The following FAM135B variants were observed in gnomAD, a reference collection of about 807,000 sequenced individuals.
The protein encoded by FAM135B is protein FAM135B.
In FAM135B, 43 loss-of-function variants were observed where a neutral mutation model predicts 127.7. The observed-to-expected ratio is 0.34, with a 90% CI of 0.26 to 0.43. FAM135B has a LOEUF of 0.43. Ranked by LOEUF, FAM135B falls within the 20% of genes least tolerant of loss-of-function variation. The probability of loss-of-function intolerance (pLI) is 1.00; values close to 1 mark genes in which losing one functional copy is unlikely to be tolerated. For missense variants in FAM135B, 1,558 were observed against 1,725.6 expected, an observed-to-expected ratio of 0.90 and a Z score of 1.72; for synonymous variants, 670 against 665.1, an observed-to-expected ratio of 1.01 and a Z score of -0.11.
At chr8:138,180,990 C>T (rs1814970358) in intron 9 of FAM135B, among the ~76,000 whole-genome samples, 1 of 151,942 alleles carries the variant, frequency 6.6e-6, no homozygotes, top group African/African-American at 2.4e-5. Context: ...CCTGTAATCC[C>T]AGAACTTTGG....
At chr8:138,462,117 GAAGAAA>G (rs1446323090) in intron 1 of FAM135B, among the ~76,000 whole-genome samples, 1 of 151,926 alleles carries the variant, frequency 6.6e-6, no homozygotes, top group Non-Finnish European at 1.5e-5. Flanking sequence ...GTAGAAATGA[GAAGAAA>G]AAGAAAGAAA....
At chr8:138,206,972 C>T (rs1272460557) in intron 7 of FAM135B, among the ~76,000 whole-genome samples, 1 of 152,174 alleles carries the variant, frequency 6.6e-6, no homozygotes, top group Non-Finnish European at 1.5e-5. Flanking sequence ...ACTCCAGCAT[C>T]CTCTCCACCT....
intron 5 of FAM135B, among the ~76,000 whole-genome samples, chr8:138,255,959 C>T (rs899265854): frequency 6.6e-5 from 10 of 152,158 alleles, no homozygotes; most frequent in Non-Finnish European, 1.5e-4. Flanking sequence ...CCTGTTCCTA[C>T]ACTGGGAGTT....
At chr8:138,284,790 A>ATACAAGC (rs1315807454) in intron 3 of FAM135B, among the ~76,000 whole-genome samples, 1 of 151,912 alleles carries the variant, frequency 6.6e-6, no homozygotes, top group African/African-American at 2.4e-5. Context: ...GTGCAACTGG[A>ATACAAGC]TACAAGCTAG....
intron 1 of FAM135B, among the ~76,000 whole-genome samples, chr8:138,401,402 A>G (rs1833145768): frequency 6.6e-6 from 1 of 152,172 alleles, no homozygotes; most frequent in South Asian, 2.1e-4. Context: ...TTTCTGTGCT[A>G]TTTCTGTCCT....
At chr8:138,245,958 G>A (rs1290792667) in intron 6 of FAM135B, among the ~76,000 whole-genome samples, 1 of 152,144 alleles carries the variant, frequency 6.6e-6, no homozygotes, top group Non-Finnish European at 1.5e-5. Flanking sequence ...TGTCTCAGAT[G>A]GAGATGAGGA....
rs559725060 is a variant in FAM135B, at chr8:138,423,873, G to A, written c.-19-55871C>T. On this transcript the variant is annotated intron_variant, in intron 1 of 19. Coordinates refer to ENST00000395297, the MANE Select transcript of FAM135B (RefSeq NM_015912.4). ...TGCACCCCAGGGGGCCATTTTAGAGGCCTACCCTCAGGGGTGCATTCTCTT... is the reference window on the plus strand; with the variant it reads ...TGCACCCCAGGGGGCCATTTTAGAGACCTACCCTCAGGGGTGCATTCTCTT... 7.2e-5 allele frequency among the ~76,000 whole-genome samples: 11 copies of A among 152,192 alleles called. No individual in the cohort carries two copies. The East Asian group carries it at 2.1e-3, about 29-fold the overall frequency.
intron 3 of FAM135B, among the ~76,000 whole-genome samples, chr8:138,290,873 T>C (rs1398001955): frequency 6.6e-6 from 1 of 152,160 alleles, no homozygotes; most frequent in African/African-American, 2.4e-5. Flanking sequence ...CTGCTATCCC[T>C]TGTTCTCATG....
chr8:138,171,525 T>G (rs1820442826), intron 11 of FAM135B, among the ~76,000 whole-genome samples: 1 of 152,240 alleles, frequency 6.6e-6, no homozygotes, highest in Non-Finnish European at 1.5e-5. Context: ...ATGATGCATA[T>G]CCCAAGTGCC....
intron 9 of FAM135B, among the ~76,000 whole-genome samples, chr8:138,190,420 G>C (rs1440580630): frequency 2.0e-5 from 3 of 152,120 alleles, no homozygotes; most frequent in African/African-American, 7.2e-5. Context: ...TTAAAACAGA[G>C]GGCTTAAGAC....
At chr8:138,317,559 T>C (rs1000813588) in intron 2 of FAM135B, among the ~76,000 whole-genome samples, 2 of 152,204 alleles carry the variant, frequency 1.3e-5, no homozygotes, top group Non-Finnish European at 1.5e-5. Context: ...TAAAACTGCA[T>C]GTGATTCTAC....
At chr8:138,278,356 T>C (rs1823993089) in intron 3 of FAM135B, among the ~76,000 whole-genome samples, 1 of 151,528 alleles carries the variant, frequency 6.6e-6, no homozygotes, top group South Asian at 2.1e-4. Flanking sequence ...GTCATCTGCA[T>C]GGGTGTCAGC....
intron 1 of FAM135B, among the ~76,000 whole-genome samples, chr8:138,452,199 G>A (rs1002113509): frequency 5.7e-5 from 8 of 139,788 alleles, no homozygotes; most frequent in Admixed American, 1.6e-4. Context: ...GCATGATCTC[G>A]GCTCACTGCA....
chr8:138,246,794 G>C (rs1288704116), intron 6 of FAM135B, among the ~76,000 whole-genome samples: 5 of 152,132 alleles, frequency 3.3e-5, no homozygotes, highest in African/African-American at 1.2e-4. Context: ...ACCTGGAAAA[G>C]CCACACTCAA....
chr8:138,177,401 G>C lies in FAM135B; in HGVS notation c.1049C>G (p.Ala350Gly), dbSNP rs773803774. ...HTLRVRRFSE[A>G]FFYMEHQKLA... ...TTTTTGGTGCTCCATGTAAAAGAAG[G>C]CCTCAGAAAACCTTCGGACCTGCAG... Residue 350 changes from alanine (A) to glycine (G), a missense_variant, in exon 11 of 20, where the codon GCC becomes GGC. By Grantham distance (60) the Ala-to-Gly change is moderately conservative. This residue lies in a region of FAM135B where 115 missense variants were observed against 171.1 expected (regional missense o/e 0.67). Transcript: ENST00000395297. 6.2e-7 allele frequency: 1 copy of C among 1,613,328 alleles called. No individual in the cohort carries two copies. Among genetic ancestry groups the C allele is most frequent in the Non-Finnish European group, 8.5e-7 (1 of 1,179,538 alleles).
At chr8:138,224,762 C>T (rs1819284649) in intron 7 of FAM135B, among the ~76,000 whole-genome samples, 2 of 151,968 alleles carry the variant, frequency 1.3e-5, no homozygotes, top group Admixed American at 1.3e-4. Flanking sequence ...AGGATGGGAC[C>T]CTCATGATGA....
At position 138,167,914 on chromosome 8, in the gene FAM135B, G is replaced by A. The variant is rs770366188; in HGVS notation, c.1239C>T (p.Tyr413=). ...ACAAACCTGTCGCAGGGCAGTCCAC[G>A]TATCTGTCCTCAAAGATCACCGGCA... The part of the protein sequence containing the change: ...NTLPVIFEDR[Y]VDCPATGHNL... Residue 413 remains tyrosine, a synonymous_variant, in exon 12 of 20, where the codon TAC becomes TAT. Transcript: ENST00000395297. 25 of 1,613,010 alleles carry A rather than the reference G, an allele frequency of 1.5e-5. No individual in the cohort carries two copies. The highest frequency in any genetic ancestry group is 1.7e-5 in the Non-Finnish European group (20 of 1,179,564).
chr8:138,442,267 T>TATATACATATATATAC (rs1554694339), intron 1 of FAM135B, among the ~76,000 whole-genome samples: 1 of 86,762 alleles, frequency 1.2e-5, no homozygotes, highest in African/African-American at 4.5e-5. Context: ...TATATATATA[T>TATATACATATATATAC]ATATATATAT....
chr8:138,335,942 A>C (rs1339956930), intron 2 of FAM135B, among the ~76,000 whole-genome samples: 1 of 152,234 alleles, frequency 6.6e-6, no homozygotes, highest in Non-Finnish European at 1.5e-5. Context: ...AGAACTCAGG[A>C]TTAAGAAACT....
Sources: gnomAD v4.1 joint callset for allele counts (sites outside exome capture counted in the v4.1 genomes callset) on GRCh38, gnomAD v4.1.1 for gene constraint, gnomAD v4.1.1 regional missense constraint, MANE v1.5 for transcripts, NCBI Gene and HGNC (gene_info 2026-07-23, HGNC 2026-07-21) for gene names.